ACSS3: variants seen among roughly 807,000 people sequenced by gnomAD.
The protein encoded by ACSS3 is acyl-CoA synthetase short-chain family member 3, mitochondrial.
ACSS3 carries 64 observed loss-of-function variants against 84.2 expected under a neutral mutation model. The observed-to-expected ratio is 0.76, with a 90% CI of 0.62 to 0.94. The LOEUF is 0.94. Among genes scored for constraint, ACSS3 ranks in the 40% least tolerant of loss-of-function variants. The probability of loss-of-function intolerance (pLI) is 0.00; values close to 1 mark genes in which losing one functional copy is unlikely to be tolerated. For missense variants in ACSS3, 815 were observed against 867.6 expected (o/e 0.94, Z 0.76); for synonymous variants, 317 against 310.1 (o/e 1.02, Z -0.23).
chr12:81,139,330 C>A, intron 4 of ACSS3, 65 bp downstream of exon 4: 1 of 1,555,226 alleles, frequency 6.4e-7, no homozygotes, highest in Non-Finnish European at 8.8e-7. Context: ...TTAGTTTTTA[C>A]CATTTAAAAG....
chr12:81,081,000 T>C (rs939994833), intron 1 of ACSS3, among the ~76,000 whole-genome samples: 1 of 152,186 alleles, frequency 6.6e-6, no homozygotes, highest in African/African-American at 2.4e-5. Context: ...TTGCTATAGC[T>C]AATTGTTCTC....
chr12:81,146,973 CTG>C lies in ACSS3; in HGVS notation c.921+3727_921+3728del, dbSNP rs1315805947. Reference sequence around the variant, plus strand: ...AAAGTGGTAGATAAGGCCTTTTGTCCTGATGGGCACTTACTTCCTGCCCCAGA... The same window carrying C: ...AAAGTGGTAGATAAGGCCTTTTGTCCATGGGCACTTACTTCCTGCCCCAGA... On this transcript the variant is annotated intron_variant, in intron 5 of 15. Coordinates refer to ENST00000548058, the MANE Select transcript of ACSS3 (RefSeq NM_024560.4). Among the ~76,000 whole-genome samples, 14 of 151,994 alleles carry C rather than the reference CTG, an allele frequency of 9.2e-5. No homozygotes were observed. In the East Asian group the frequency reaches 2.7e-3, roughly 29 times the overall value.
In ACSS3 at chr12:81,162,884, A is replaced by C. The variant is rs1165854306; in HGVS notation, c.1098+10788A>C. The stretch of plus-strand genomic sequence containing the variant: ...TCGGCTGTGTTGTGACATCACCTGG[A>C]CAGGGCCACAACTTTGCTATGAAAT... On this transcript the variant is annotated intron_variant, in intron 7 of 15. Coordinates refer to ENST00000548058, the MANE Select transcript of ACSS3 (RefSeq NM_024560.4). 2.6e-5 allele frequency among the ~76,000 whole-genome samples: 4 copies of C among 152,240 alleles called. No homozygotes were observed. The East Asian group carries it at 5.8e-4, about 22-fold the overall frequency.
At chr12:81,099,211 T>C (rs1394750802) in intron 1 of ACSS3, among the ~76,000 whole-genome samples, 3 of 152,282 alleles carry the variant, frequency 2.0e-5, no homozygotes, top group East Asian at 1.9e-4. Flanking sequence ...TGGCTTTGGT[T>C]GATTCTACTT....
rs1258152336 is a variant in ACSS3 at position 81,199,640 on chromosome 12, A to C, written c.1354+196A>C. ...TGTCTTCATAAGTGACATTGATGCC[A>C]CCATTCTCTTGGTCCCTAGGTATAA... On this transcript the variant is annotated intron_variant, in intron 9 of 15. Transcript: ENST00000548058. 3 of 1,493,442 alleles carry C rather than the reference A, an allele frequency of 2.0e-6. No homozygotes were observed. In the African/African-American group the frequency reaches 4.2e-5, roughly 21 times the overall value. The allele number at this position is 1,493,442 out of a possible 1,614,324, so 92.5% of individuals were successfully genotyped here.
chr12:81,220,864 T>A (rs1035178657), intron 11 of ACSS3, among the ~76,000 whole-genome samples: 1 of 152,042 alleles, frequency 6.6e-6, no homozygotes, highest in Non-Finnish European at 1.5e-5. Context: ...TTAGCATTTT[T>A]TGAATTTTGA....
At chr12:81,169,895 A>G (rs903089402) in intron 7 of ACSS3, among the ~76,000 whole-genome samples, 1 of 152,140 alleles carries the variant, frequency 6.6e-6, no homozygotes, top group Non-Finnish European at 1.5e-5. Context: ...TAGTCGATAA[A>G]GGATGCTGCT....
chr12:81,138,081 C>A, intron 3 of ACSS3, among the ~76,000 whole-genome samples: 1 of 152,048 alleles, frequency 6.6e-6, no homozygotes, highest in Admixed American at 6.6e-5. Flanking sequence ...ACAGTATAAA[C>A]CTTTCCTAGA....
At chr12:81,234,639 T>TA (rs1483833823) in intron 13 of ACSS3, among the ~76,000 whole-genome samples, 4 of 151,494 alleles carry the variant, frequency 2.6e-5, no homozygotes, top group African/African-American at 9.7e-5. Flanking sequence ...TGCATTTCTG[T>TA]AATAACTAGT....
chr12:81,178,208 TCA>T (rs1443269349), intron 8 of ACSS3, among the ~76,000 whole-genome samples: 9 of 149,662 alleles, frequency 6.0e-5, no homozygotes, highest in African/African-American at 2.2e-4. Context: ...GTAAACTATC[TCA>T]AGGACAAAAA....
intron 7 of ACSS3, among the ~76,000 whole-genome samples, chr12:81,173,135 CAT>C (rs1343193288): frequency 1.3e-5 from 2 of 152,236 alleles, no homozygotes; most frequent in East Asian, 3.9e-4. Flanking sequence ...GTGCCTGAGA[CAT>C]ATCAAAAAAG....
chr12:81,175,896 A>T (rs1414991239), intron 8 of ACSS3, among the ~76,000 whole-genome samples: 1 of 152,210 alleles, frequency 6.6e-6, no homozygotes, highest in Non-Finnish European at 1.5e-5. Context: ...CCCATAAAAA[A>T]GTTAGAAAAA....
At chr12:81,156,697 G>A (rs1412085267) in intron 7 of ACSS3, among the ~76,000 whole-genome samples, 4 of 152,088 alleles carry the variant, frequency 2.6e-5, no homozygotes, top group African/African-American at 9.7e-5. Flanking sequence ...CAACTTAGAT[G>A]AAGATGAAAT....
intron 8 of ACSS3, among the ~76,000 whole-genome samples, chr12:81,186,553 T>G (rs2031266582): frequency 6.6e-6 from 1 of 151,730 alleles, no homozygotes; most frequent in Non-Finnish European, 1.5e-5. Context: ...GCAAAATACC[T>G]GGAAACACAT....
At chr12:81,183,778 G>T (rs542496025) in intron 8 of ACSS3, among the ~76,000 whole-genome samples, 6 of 152,136 alleles carry the variant, frequency 3.9e-5, no homozygotes, top group East Asian at 1.9e-4. Context: ...CCCAGTATTG[G>T]ATGAGCTAAA....
At chr12:81,134,062 T>C (rs1388316995) in intron 2 of ACSS3, among the ~76,000 whole-genome samples, 1 of 149,358 alleles carries the variant, frequency 6.7e-6, no homozygotes, top group African/African-American at 2.5e-5. Flanking sequence ...TATGTTGAGG[T>C]CTCAAAAACA....
At chr12:81,132,173 T>A (rs1303783734) in intron 2 of ACSS3, among the ~76,000 whole-genome samples, 1 of 152,212 alleles carries the variant, frequency 6.6e-6, no homozygotes. Flanking sequence ...CCTCTTTTTC[T>A]ATTGATTGGA....
At chr12:81,093,540 C>T (rs966730638) in intron 1 of ACSS3, among the ~76,000 whole-genome samples, 1 of 149,718 alleles carries the variant, frequency 6.7e-6, no homozygotes, top group Non-Finnish European at 1.5e-5. Context: ...TATTACTTTA[C>T]ATTTTAATTA....
chr12:81,222,004 A>G (rs2033127170), intron 11 of ACSS3, among the ~76,000 whole-genome samples: 1 of 152,054 alleles, frequency 6.6e-6, no homozygotes, highest in Non-Finnish European at 1.5e-5. Flanking sequence ...ATCCATTCAG[A>G]GATAATAAAA....
Sources: gnomAD v4.1 joint callset for allele counts (sites outside exome capture counted in the v4.1 genomes callset) on GRCh38, gnomAD v4.1.1 for gene constraint, MANE v1.5 for transcripts, NCBI Gene and HGNC (gene_info 2026-07-23, HGNC 2026-07-21) for gene names.